The following WDPCP variants were observed in gnomAD, a reference collection of about 807,000 sequenced individuals.
WDPCP encodes the protein WD repeat containing planar cell polarity effector, also known as WD repeat-containing and planar cell polarity effector protein fritz homolog.
WDPCP carries 71 observed loss-of-function variants against 93.1 expected under a neutral mutation model. The ratio of observed to expected loss-of-function variants is 0.76; its 90% CI spans 0.63 to 0.93. The LOEUF (loss-of-function observed/expected upper bound fraction) is 0.93. WDPCP is among the 40% of genes least tolerant of loss of function. WDPCP has a pLI of 0.00. For missense variants in WDPCP, 844 were observed against 887.4 expected (o/e 0.95, Z 0.62); for synonymous variants, 315 against 315.0 (o/e 1.00, Z 0.00).
intron 12 of WDPCP, among the ~76,000 whole-genome samples, chr2:63,314,289 C>T (rs932549331): frequency 6.6e-5 from 10 of 151,884 alleles, no homozygotes; most frequent in East Asian, 1.9e-4. Context: ...ACTTCAGCCC[C>T]GCCAAGTAGC....
intron 6 of WDPCP, among the ~76,000 whole-genome samples, chr2:63,481,083 T>C (rs1255821041): frequency 6.6e-6 from 1 of 151,734 alleles, no homozygotes; most frequent in Non-Finnish European, 1.5e-5. Context: ...GTTAAGGACA[T>C]GAATGGACAA....
chr2:63,312,532 C>T (rs1686259845), intron 13 of WDPCP, among the ~76,000 whole-genome samples: 1 of 152,146 alleles, frequency 6.6e-6, no homozygotes, highest in Non-Finnish European at 1.5e-5. Context: ...TTTCAAGAAC[C>T]TTTTGCTCTG....
intron 1 of WDPCP, among the ~76,000 whole-genome samples, chr2:63,533,019 A>G (rs1703983016): frequency 6.6e-6 from 1 of 152,216 alleles, no homozygotes; most frequent in Admixed American, 6.5e-5. Context: ...AGGAAGATCT[A>G]CCAAACAAAT....
chr2:63,343,928 C>T (rs1356320691), intron 12 of WDPCP, among the ~76,000 whole-genome samples: 1 of 152,078 alleles, frequency 6.6e-6, no homozygotes, highest in Non-Finnish European at 1.5e-5. Flanking sequence ...ATCCTGGTTT[C>T]CCTTAGTTTA....
chr2:63,651,922 C>T (rs1024018858), intron 2 of WDPCP, among the ~76,000 whole-genome samples: 1 of 152,174 alleles, frequency 6.6e-6, no homozygotes, highest in Non-Finnish European at 1.5e-5. Flanking sequence ...TTTTTGCATG[C>T]TTCTTATCTG....
At chr2:63,687,441 G>A (rs111370830) in intron 2 of WDPCP, among the ~76,000 whole-genome samples, 7 of 152,142 alleles carry the variant, frequency 4.6e-5, no homozygotes, top group African/African-American at 1.7e-4. Flanking sequence ...ATCTGACAAG[G>A]GATTAATAAC....
At chr2:63,543,098 C>T (rs1161197254) in intron 1 of WDPCP, among the ~76,000 whole-genome samples, 1 of 151,940 alleles carries the variant, frequency 6.6e-6, no homozygotes, top group Admixed American at 6.6e-5. Context: ...TCCAAAAATG[C>T]TGTGATTTTT....
chr2:63,560,843 C>G (rs1706554890), intron 1 of WDPCP, among the ~76,000 whole-genome samples: 1 of 152,006 alleles, frequency 6.6e-6, no homozygotes, highest in Non-Finnish European at 1.5e-5. Context: ...GAGGTAGGGG[C>G]CTGGGGGAGG....
chr2:63,349,945 A>C (rs939595905), intron 12 of WDPCP, among the ~76,000 whole-genome samples: 1 of 152,176 alleles, frequency 6.6e-6, no homozygotes, highest in Non-Finnish European at 1.5e-5. Context: ...AAATGGAAGA[A>C]TTCATGGGGT....
chr2:63,239,112 T>C (rs1034199573), intron 14 of WDPCP, among the ~76,000 whole-genome samples: 1 of 152,228 alleles, frequency 6.6e-6, no homozygotes, highest in Admixed American at 6.5e-5. Context: ...TGTGTGTGTA[T>C]ATATGGGTGT....
chr2:63,618,262 A>C (rs1156753711), intron 3 of WDPCP, among the ~76,000 whole-genome samples: 3 of 152,252 alleles, frequency 2.0e-5, no homozygotes, highest in Non-Finnish European at 4.4e-5. Context: ...GAGTGGAATG[A>C]AGAACTGGGA....
chr2:63,604,476 A>G (rs1181291948), intron 3 of WDPCP, among the ~76,000 whole-genome samples: 3 of 152,108 alleles, frequency 2.0e-5, no homozygotes, highest in Non-Finnish European at 4.4e-5. Flanking sequence ...TAAACATTCT[A>G]CTCCATAAGG....
At chr2:63,566,639 G>T (rs1355272058) in intron 1 of WDPCP, among the ~76,000 whole-genome samples, 13 of 152,216 alleles carry the variant, frequency 8.5e-5, no homozygotes, top group Admixed American at 8.5e-4. Context: ...TGTGGAGGTT[G>T]TCCACACCAA....
At chr2:63,475,089 C>T (rs912283780) in intron 6 of WDPCP, among the ~76,000 whole-genome samples, 1 of 151,952 alleles carries the variant, frequency 6.6e-6, no homozygotes, top group Non-Finnish European at 1.5e-5. Flanking sequence ...CACATACTGG[C>T]TAAGTTCAGT....
At chr2:63,244,014 T>C (rs1388766635) in intron 14 of WDPCP, among the ~76,000 whole-genome samples, 1 of 150,914 alleles carries the variant, frequency 6.6e-6, no homozygotes, top group Non-Finnish European at 1.5e-5. Flanking sequence ...AAAAAAAAAA[T>C]TAAAATCATA....
At chr2:63,422,041 T>C (rs753103229) in intron 9 of WDPCP, among the ~76,000 whole-genome samples, 47 of 152,332 alleles carry the variant, frequency 3.1e-4, no homozygotes, top group Non-Finnish European at 6.3e-4. Flanking sequence ...CTCCAACTCT[T>C]TCTACTGAAG....
At position 63,368,297 on chromosome 2, in the gene WDPCP, A is replaced by AATTTATTT. The variant is rs201098167; in HGVS notation, c.1748+10081_1748+10088dup. Among the ~76,000 whole-genome samples the AATTTATTT allele has an allele frequency of 7.8e-3, 1,148 of 147,108 alleles. 12 individuals carry two copies. The highest frequency in any genetic ancestry group is 0.023 in the African/African-American group (907 of 40,214). On this transcript the variant is annotated intron_variant, in intron 12 of 17. Transcript: ENST00000272321. ...TTTGAGTTCTACTAAGTTTATTTTT[A>AATTTATTT]ATTTATTTATTTATTTATTTATTTA... is the stretch of plus-strand genomic sequence containing the variant.
chr2:63,524,817 C>T (rs1194538318), intron 1 of WDPCP, among the ~76,000 whole-genome samples: 1 of 152,048 alleles, frequency 6.6e-6, no homozygotes, highest in Non-Finnish European at 1.5e-5. Flanking sequence ...AAATGGACAA[C>T]CTACACAATG....
chr2:63,645,876 T>C (rs139782018), intron 3 of WDPCP, among the ~76,000 whole-genome samples: 1 of 152,330 alleles, frequency 6.6e-6, no homozygotes, highest in Non-Finnish European at 1.5e-5. Context: ...TCCCTTTACA[T>C]TCAGTCTATG....
Sources: allele counts gnomAD v4.1 joint callset (sites outside exome capture counted in the v4.1 genomes callset), GRCh38; gene constraint gnomAD v4.1.1; transcripts MANE v1.5; gene names NCBI Gene and HGNC (gene_info 2026-07-23, HGNC 2026-07-21).